OGFR: variants seen among roughly 807,000 people sequenced by gnomAD.
The protein encoded by OGFR is opioid growth factor receptor.
A neutral mutation model predicts 33.6 loss-of-function variants in OGFR; 18 were observed. The observed-to-expected ratio is 0.54, with a 90% confidence interval of 0.37 to 0.80. The LOEUF (loss-of-function observed/expected upper bound fraction) is 0.80. Among genes scored for constraint, OGFR ranks in the 30% least tolerant of loss-of-function variants. OGFR has a pLI of 0.00. For missense variants in OGFR, 877 were observed against 955.8 expected (o/e 0.92, Z 1.09); for synonymous variants, 370 against 400.7 (o/e 0.92, Z 0.91).
chr20:62,808,998 A>G (rs896917151), intron 3 of OGFR, among the ~76,000 whole-genome samples: 1 of 145,564 alleles, frequency 6.9e-6, no homozygotes, highest in Non-Finnish European at 1.5e-5. Flanking sequence ...AAAAAAAAAA[A>G]AAAAAGAACA....
intron 3 of OGFR, among the ~76,000 whole-genome samples, chr20:62,809,053 CAAT>C (rs1002450782): frequency 3.0e-4 from 45 of 149,290 alleles, no homozygotes; most frequent in African/African-American, 1.1e-3. Flanking sequence ...ATTTCAGTGT[CAAT>C]AAAGCTTCAC....
In OGFR at chr20:62,812,215, C is replaced by G; in HGVS notation, c.615-15C>G. On this transcript the variant is annotated splice_polypyrimidine_tract_variant and intron_variant, in intron 6 of 6. Coordinates refer to ENST00000290291, the MANE Select transcript of OGFR (RefSeq NM_007346.4). Reference sequence around the variant, plus strand: ...GCCCCAGCCATTGACCTCTCCTGACCCGGATCTCTCGCAGGCGCAGCCACA... The same window carrying G: ...GCCCCAGCCATTGACCTCTCCTGACGCGGATCTCTCGCAGGCGCAGCCACA... 1 of 1,487,362 alleles carries G rather than the reference C, an allele frequency of 6.7e-7. No homozygotes were observed. The allele number at this position is 1,487,362 out of a possible 1,614,324, so 92.1% of individuals were successfully genotyped here. A position where few individuals can be genotyped will look rare whatever the true frequency, so the allele number is the denominator to read the frequency against.
chr20:62,808,900 G>C (rs1222877083), intron 3 of OGFR, among the ~76,000 whole-genome samples: 3 of 143,884 alleles, frequency 2.1e-5, no homozygotes, highest in Non-Finnish European at 4.5e-5. Flanking sequence ...GCTTGAACTT[G>C]GGAGGTGGAG....
At chr20:62,811,182 C>A (rs927455538) in intron 5 of OGFR, among the ~76,000 whole-genome samples, 1 of 151,994 alleles carries the variant, frequency 6.6e-6, no homozygotes, top group Non-Finnish European at 1.5e-5. Context: ...GCCAACGTGA[C>A]AAAACCCCGT....
chr20:62,806,068 C>G (rs1267286004), intron 1 of OGFR: 1 of 152,602 alleles, frequency 6.6e-6, no homozygotes, highest in Non-Finnish European at 1.5e-5. Context: ...CCTGGCGGGG[C>G]TGTTTCACTT....
chr20:62,812,491 G>T lies in OGFR; in HGVS notation c.876G>T (p.Leu292=). The T allele has an allele frequency of 6.3e-7, 1 of 1,581,494 alleles. No individual in the cohort carries two copies. The change falls in exon 7 of 7, where the codon CTG becomes CTT. Residue 292 remains leucine, a synonymous_variant. Transcript: ENST00000290291. Reference sequence around the variant, plus strand: ...TCGTCTGGGGGCCCCAAGACAAGCTGCGGAGGTTCAAGCCCAGCTCTCTGC... The same window carrying T: ...TCGTCTGGGGGCCCCAAGACAAGCTTCGGAGGTTCAAGCCCAGCTCTCTGC... ...CKFVWGPQDK[L]RRFKPSSLPH... is the part of the protein sequence containing the mutation.
chr20:62,810,982 C>T (rs56256434), intron 5 of OGFR, among the ~76,000 whole-genome samples: 3 of 152,198 alleles, frequency 2.0e-5, no homozygotes, highest in Non-Finnish European at 2.9e-5. Flanking sequence ...CAGGGGAGGG[C>T]GGCAGCCTCA....
chr20:62,812,162 CA>C, intron 6 of OGFR, 67 bp from the exon 7 acceptor site: 1 of 1,378,604 alleles, frequency 7.3e-7, no homozygotes, highest in Non-Finnish European at 9.7e-7. Flanking sequence ...GAGGGCAGGC[CA>C]GGGCGGGGTG....
chr20:62,809,308 C>T (rs896759168), intron 3 of OGFR, among the ~76,000 whole-genome samples: 1 of 152,186 alleles, frequency 6.6e-6, no homozygotes, highest in Non-Finnish European at 1.5e-5. Flanking sequence ...CCAGTGGTTC[C>T]CCCAGAGGGA....
intron 4 of OGFR, 42 bp from the exon 5 acceptor site, chr20:62,810,457 C>T (rs776972326): frequency 1.6e-5 from 25 of 1,599,728 alleles, no homozygotes; most frequent in South Asian, 1.1e-4. Flanking sequence ...GGTCTGGAAG[C>T]GGCTCTCCTA....
In OGFR at chr20:62,804,887, T is replaced by C; in HGVS notation, c.28T>C (p.Trp10Arg). The stretch of plus-strand genomic sequence containing the variant: ...GGACGACCCCGACTGCGACTCCACC[T>C]GGGAGGAGGACGAGGAGGATGCGGA... MDDPDCDST[W>R]EEDEEDAEDA... Residue 10 changes from tryptophan (W) to arginine (R), a missense_variant, in exon 1 of 7, where the codon TGG becomes CGG. Physicochemically the swap from Trp to Arg is moderately radical, Grantham distance 101 (BLOSUM62 -3). Coordinates refer to ENST00000290291, the MANE Select transcript of OGFR (RefSeq NM_007346.4). 1 of 1,475,024 alleles carries C rather than the reference T, an allele frequency of 6.8e-7. No homozygotes were observed. The highest frequency in any genetic ancestry group is 9.0e-7 in the Non-Finnish European group (1 of 1,110,580). The allele number at this position is 1,475,024 out of a possible 1,614,324, so 91.4% of individuals were successfully genotyped here.
Position 62,812,438 on chromosome 20 carries a change from T to C in OGFR, c.823T>C (p.Trp275Arg), listed in dbSNP as rs1366882155. Residue 275 changes from tryptophan (W) to arginine (R), a missense_variant, in exon 7 of 7, where the codon TGG becomes CGG. This residue lies in a region of OGFR where 760 missense variants were observed against 736.0 expected (regional missense o/e 1.03). Coordinates refer to ENST00000290291, the MANE Select transcript of OGFR (RefSeq NM_007346.4). ...GCGCCGCCAGCTGGTGCACTTCGCC[T>C]GGGAGCACTTCCGGCCCCGCTGCAA... ...HQRRQLVHFA[W>R]EHFRPRCKFV... The C allele has an allele frequency of 6.3e-7, 1 of 1,581,080 alleles. No homozygotes were observed. The highest frequency in any genetic ancestry group is 2.3e-5 in the East Asian group (1 of 43,074).
rs766361056 is a variant in OGFR at position 62,812,649 on chromosome 20, C to T, written c.1034C>T (p.Pro345Leu). 4 of 1,562,014 alleles carry T rather than the reference C, an allele frequency of 2.6e-6. No individual in the cohort carries two copies. Among genetic ancestry groups the T allele is most frequent in the African/African-American group, 1.4e-5 (1 of 73,640 alleles). ...SKGGGRVDEG[P>L]QPRSVEPQDA... Reference sequence around the variant, plus strand: ...GGTGGGGGCAGGGTGGACGAGGGGCCCCAGCCACGGAGCGTGGAGCCCCAG... The same window carrying T: ...GGTGGGGGCAGGGTGGACGAGGGGCTCCAGCCACGGAGCGTGGAGCCCCAG... Residue 345 changes from proline to leucine, a missense_variant, in exon 7 of 7, where the codon CCC becomes CTC. Pro to Leu is a moderately conservative substitution (Grantham distance 98). Around this residue, in one of 3 missense-constraint regions of OGFR, gnomAD observed 760 missense variants for 736.0 expected, o/e 1.03. Transcript: ENST00000290291.
rs1389949652 is a variant in OGFR, at chr20:62,813,102, G to C, written c.1487G>C (p.Ser496Thr). The change falls in exon 7 of 7, where the codon AGT (serine) becomes ACT (threonine). Residue 496 changes from serine to threonine, a missense_variant. Coordinates refer to ENST00000290291, the MANE Select transcript of OGFR (RefSeq NM_007346.4). ...APSGHPKAGHSENGVEEDTEG... is the reference protein window; with the variant it reads ...APSGHPKAGHTENGVEEDTEG... The stretch of plus-strand genomic sequence containing the variant: ...TCGGGGCACCCCAAGGCTGGACACA[G>C]TGAGAACGGGGTTGAGGAGGACACA... The C allele has an allele frequency of 5.7e-6, 9 of 1,578,930 alleles. No homozygotes were observed. Among genetic ancestry groups the C allele is most frequent in the African/African-American group, 1.3e-5 (1 of 74,140 alleles).
intron 1 of OGFR, chr20:62,805,826 G>A (rs942070161): frequency 6.6e-6 from 1 of 152,602 alleles, no homozygotes; most frequent in Non-Finnish European, 1.5e-5. Flanking sequence ...GGGGGGTGGG[G>A]TCTGGCTCTG....
intron 4 of OGFR, 78 bp from the exon 5 acceptor site, chr20:62,810,420 CG>C: frequency 7.0e-7 from 1 of 1,425,780 alleles, no homozygotes. Flanking sequence ...GGAACTGCCC[CG>C]GGCTACACAG....
At chr20:62,809,411 G>A (rs1990673059) in intron 3 of OGFR, among the ~76,000 whole-genome samples, 174 bp from the exon 4 acceptor site, 1 of 152,242 alleles carries the variant, frequency 6.6e-6, no homozygotes, top group South Asian at 2.1e-4. Context: ...TCGGAGGAGG[G>A]ATGGGCAGCC....
chr20:62,809,977 C>G (rs749467230), intron 4 of OGFR, among the ~76,000 whole-genome samples: 31 of 152,340 alleles, frequency 2.0e-4, no homozygotes, highest in Middle Eastern at 3.4e-3. Context: ...CAGGAGGCCT[C>G]AGTGAGCCTC....
chr20:62,809,652 C>T lies in OGFR; in HGVS notation c.387C>T (p.Ser129=). ...DNYDLLEDNH[S]YIQWLFPLRE... The stretch of plus-strand genomic sequence containing the variant: ...ATGACCTCCTTGAGGACAATCACTC[C>T]TACATCCAGTGGTGAGTTGGGGAGG... Residue 129 remains serine (S), a synonymous_variant, in exon 4 of 7, where the codon TCC becomes TCT. Transcript: ENST00000290291. 1 of 1,601,256 alleles carries T rather than the reference C, an allele frequency of 6.2e-7. No individual in the cohort carries two copies. Among genetic ancestry groups the T allele is most frequent in the Non-Finnish European group, 8.5e-7 (1 of 1,172,144 alleles).
Sources: allele counts gnomAD v4.1 joint callset (sites outside exome capture counted in the v4.1 genomes callset), GRCh38; gene constraint gnomAD v4.1.1; regional missense constraint gnomAD v4.1.1; transcripts MANE v1.5; gene names NCBI Gene and HGNC (gene_info 2026-07-23, HGNC 2026-07-21).